Variants in RBFOX1 observed in about 807,000 individuals in gnomAD.
The protein encoded by RBFOX1 is RNA binding protein fox-1 homolog 1.
RBFOX1 carries 8 observed loss-of-function variants against 57.7 expected under a neutral mutation model. The observed-to-expected ratio is 0.14, with a 90% CI of 0.08 to 0.25. RBFOX1 has a LOEUF of 0.25. RBFOX1 is among the 10% of genes least tolerant of loss of function. The probability of loss-of-function intolerance (pLI) is 1.00; values close to 1 mark genes in which losing one functional copy is unlikely to be tolerated. For missense variants in RBFOX1, 611 were observed against 548.5 expected, an observed-to-expected ratio of 1.11 and a Z score of -1.14; for synonymous variants, 326 against 222.4, an observed-to-expected ratio of 1.47 and a Z score of -4.15.
At chr16:6,592,679 C>G (rs1223977309) in intron 2 of RBFOX1, among the ~76,000 whole-genome samples, 1 of 152,176 alleles carries the variant, frequency 6.6e-6, no homozygotes, top group East Asian at 1.9e-4. Flanking sequence ...AGTTTTGAAG[C>G]TCATAGTCCC....
intron 1 of RBFOX1, among the ~76,000 whole-genome samples, chr16:5,418,080 T>TCAAGAA (rs1555512964): frequency 6.6e-6 from 1 of 150,878 alleles, no homozygotes; most frequent in African/African-American, 2.4e-5. Flanking sequence ...AAACTCCATC[T>TCAAGAA]CAACAACAAC....
intron 3 of RBFOX1, among the ~76,000 whole-genome samples, chr16:6,914,754 G>C (rs904695537): frequency 2.0e-4 from 31 of 152,098 alleles, no homozygotes; most frequent in Admixed American, 1.3e-4. Context: ...TGCACCTGTA[G>C]TCCCAGCTAC....
At chr16:5,819,077 A>G (rs2055751864) in intron 3 of RBFOX1, among the ~76,000 whole-genome samples, 1 of 152,010 alleles carries the variant, frequency 6.6e-6, no homozygotes, top group African/African-American at 2.4e-5. Flanking sequence ...CTGGTATCAT[A>G]TTCTGTTTGA....
chr16:6,062,608 C>T (rs1406655485), intron 1 of RBFOX1, among the ~76,000 whole-genome samples: 2 of 27,268 alleles, frequency 7.3e-5, no homozygotes, highest in South Asian at 7.5e-4. Context: ...ATATATGTTA[C>T]ATAATATATA....
At chr16:5,564,597 C>A (rs940023398) in intron 2 of RBFOX1, among the ~76,000 whole-genome samples, 3 of 152,100 alleles carry the variant, frequency 2.0e-5, no homozygotes, top group African/African-American at 7.2e-5. Flanking sequence ...TCTGTGTGGT[C>A]TTTGGAGCTG....
intron 1 of RBFOX1, among the ~76,000 whole-genome samples, chr16:5,367,425 T>C (rs1408730485): frequency 2.6e-5 from 4 of 152,106 alleles, no homozygotes; most frequent in African/African-American, 9.7e-5. Context: ...GAGGGAACTG[T>C]CTCTCCAAGC....
chr16:7,464,511 A>G (rs1599067230), intron 4 of RBFOX1, among the ~76,000 whole-genome samples: 1 of 151,694 alleles, frequency 6.6e-6, no homozygotes, highest in Non-Finnish European at 1.5e-5. Context: ...GGCCTATTGG[A>G]CCTCTTTTCT....
At chr16:6,595,056 G>A (rs1235188984) in intron 2 of RBFOX1, among the ~76,000 whole-genome samples, 1 of 152,084 alleles carries the variant, frequency 6.6e-6, no homozygotes, top group Non-Finnish European at 1.5e-5. Flanking sequence ...CAAAGTGCTG[G>A]GATTACAGGC....
intron 4 of RBFOX1, among the ~76,000 whole-genome samples, chr16:7,281,232 A>G (rs1282824730): frequency 6.6e-6 from 1 of 151,808 alleles, no homozygotes; most frequent in Non-Finnish European, 1.5e-5. Context: ...CAGACTCCTG[A>G]ACTTAAGTGA....
At chr16:7,576,694 A>G (rs545082044) in intron 5 of RBFOX1, among the ~76,000 whole-genome samples, 1 of 152,360 alleles carries the variant, frequency 6.6e-6, no homozygotes, top group East Asian at 1.9e-4. Context: ...TGAGCGGTAT[A>G]ATGCTATTAA....
intron 1 of RBFOX1, among the ~76,000 whole-genome samples, chr16:5,306,798 G>C (rs933150498): frequency 6.6e-6 from 1 of 152,140 alleles, no homozygotes; most frequent in Non-Finnish European, 1.5e-5. Flanking sequence ...GCGTCTTGCA[G>C]GACCGTAAGA....
Position 7,059,641 on chromosome 16 carries a change from C to G in RBFOX1, c.27+7543C>G, listed in dbSNP as rs553318564. Among the ~76,000 whole-genome samples, 9 of 152,306 alleles carry G rather than the reference C, an allele frequency of 5.9e-5. No homozygotes were observed. In the East Asian group the frequency reaches 1.4e-3, roughly 23 times the overall value. ...AAGAAGCTTACCTGATTGACCTTCA[C>G]TTATCAAACGTACCAGATTAATACA... is the stretch of plus-strand genomic sequence containing the variant. On this transcript the variant is annotated intron_variant, in intron 4 of 15. Coordinates refer to ENST00000550418, the MANE Select transcript of RBFOX1 (RefSeq NM_018723.4).
intron 1 of RBFOX1, among the ~76,000 whole-genome samples, chr16:6,172,131 T>C (rs544583241): frequency 1.2e-3 from 184 of 152,208 alleles, no homozygotes; most frequent in African/African-American, 4.2e-3. Context: ...AGCTGTTTTT[T>C]TATCATTGGT....
At chr16:5,631,897 A>G (rs953478765) in intron 3 of RBFOX1, among the ~76,000 whole-genome samples, 3 of 152,194 alleles carry the variant, frequency 2.0e-5, no homozygotes, top group African/African-American at 7.2e-5. Flanking sequence ...TGGGGTGTTC[A>G]CTAGGGTCAG....
At chr16:7,495,312 C>G (rs1326496658) in intron 4 of RBFOX1, among the ~76,000 whole-genome samples, 1 of 152,134 alleles carries the variant, frequency 6.6e-6, no homozygotes, top group South Asian at 2.1e-4. Flanking sequence ...ATAACAATTT[C>G]TTTTCCTTTG....
At chr16:5,936,284 T>A (rs749089843) in intron 4 of RBFOX1, among the ~76,000 whole-genome samples, 1 of 152,096 alleles carries the variant, frequency 6.6e-6, no homozygotes, top group African/African-American at 2.4e-5. Context: ...CCAACGTGCC[T>A]GGCTAATTTT....
intron 4 of RBFOX1, among the ~76,000 whole-genome samples, chr16:7,383,723 G>A (rs747707471): frequency 1.3e-5 from 2 of 152,114 alleles, no homozygotes; most frequent in Non-Finnish European, 2.9e-5. Flanking sequence ...TATTCAAAGG[G>A]TATTCAGATC....
intron 4 of RBFOX1, among the ~76,000 whole-genome samples, chr16:5,972,968 C>G (rs151243460): frequency 3.3e-5 from 5 of 152,228 alleles, no homozygotes; most frequent in Admixed American, 2.6e-4. Context: ...TGTTGAGTCC[C>G]GTATAGCTAC....
At chr16:6,339,821 C>A (rs923378585) in intron 2 of RBFOX1, among the ~76,000 whole-genome samples, 2 of 151,914 alleles carry the variant, frequency 1.3e-5, no homozygotes, top group Non-Finnish European at 2.9e-5. Context: ...CAGGTGCCTG[C>A]CACCATGCCC....
Sources: allele counts gnomAD v4.1 joint callset (sites outside exome capture counted in the v4.1 genomes callset), GRCh38; gene constraint gnomAD v4.1.1; transcripts MANE v1.5; gene names NCBI Gene and HGNC (gene_info 2026-07-23, HGNC 2026-07-21).